PDZD2: variants seen among roughly 807,000 people sequenced by gnomAD.
PDZD2 encodes the protein PDZ domain containing 2.
PDZD2 carries 90 observed loss-of-function variants against 220.7 expected under a neutral mutation model. The ratio of observed to expected loss-of-function variants is 0.41; its 90% CI spans 0.34 to 0.49. The LOEUF (loss-of-function observed/expected upper bound fraction) is 0.49, where lower values mean the gene tolerates loss of function less well. Ranked by LOEUF, PDZD2 falls within the 20% of genes least tolerant of loss-of-function variation. The probability of loss-of-function intolerance (pLI) is 0.28; values close to 1 mark genes in which losing one functional copy is unlikely to be tolerated. For synonymous variants in PDZD2, 1,375 were observed against 1,450.5 expected (o/e 0.95, Z 1.18); for missense variants, 3,174 against 3,608.5 (o/e 0.88, Z 3.08).
chr5:31,881,805 C>T (rs1339780568), intron 2 of PDZD2, among the ~76,000 whole-genome samples: 2 of 152,030 alleles, frequency 1.3e-5, no homozygotes, highest in Non-Finnish European at 2.9e-5. Flanking sequence ...ATCTCCGCCT[C>T]CTGGGTTTAA....
At chr5:32,019,531 G>A (rs991951091) in intron 6 of PDZD2, among the ~76,000 whole-genome samples, 3 of 152,214 alleles carry the variant, frequency 2.0e-5, no homozygotes, top group African/African-American at 7.2e-5. Context: ...GAAGCCAGAT[G>A]ATCCCTTGGG....
chr5:31,880,791 C>CTTTT (rs1037018187), intron 2 of PDZD2, among the ~76,000 whole-genome samples: 12 of 76,488 alleles, frequency 1.6e-4, no homozygotes, highest in South Asian at 5.0e-4. Flanking sequence ...TTTTTTTTTT[C>CTTTT]TTTTTTTTTT....
chr5:32,097,851 A>G (rs573838557), intron 22 of PDZD2, among the ~76,000 whole-genome samples: 9 of 152,248 alleles, frequency 5.9e-5, no homozygotes, highest in Non-Finnish European at 1.3e-4. Flanking sequence ...AGACACTAAA[A>G]AGGAGTTAAA....
At chr5:31,897,832 G>GT (rs1471193804) in intron 2 of PDZD2, among the ~76,000 whole-genome samples, 1 of 151,998 alleles carries the variant, frequency 6.6e-6, no homozygotes, top group African/African-American at 2.4e-5. Context: ...TACCTCCCAG[G>GT]TTCAAGCAAT....
rs73749656 is a variant in PDZD2, at chr5:31,748,386, C to G, written c.-360-50503C>G. Among the ~76,000 whole-genome samples, 931 of 152,346 alleles carry G rather than the reference C, an allele frequency of 6.1e-3. 10 individuals carry two copies. Among genetic ancestry groups the G allele is most frequent in the African/African-American group, 0.021 (879 of 41,582 alleles). ...GTCATTTCCCCAGCCACTCCCCATTCTTCATCTGTAAAGTGGCTGGGGGAA... is the reference window on the plus strand; with the variant it reads ...GTCATTTCCCCAGCCACTCCCCATTGTTCATCTGTAAAGTGGCTGGGGGAA... On this transcript the variant is annotated intron_variant, in intron 1 of 24. Coordinates refer to ENST00000438447, the MANE Select transcript of PDZD2 (RefSeq NM_178140.4).
At chr5:32,011,235 C>A (rs912686579) in intron 6 of PDZD2, among the ~76,000 whole-genome samples, 1 of 151,606 alleles carries the variant, frequency 6.6e-6, no homozygotes, top group African/African-American at 2.4e-5. Context: ...ATGCCTGTAA[C>A]CCCAGCACCT....
Position 31,860,453 on chromosome 5 carries a change from A to G in PDZD2, c.476+60729A>G, listed in dbSNP as rs529009075. Among the ~76,000 whole-genome samples, 12 of 152,172 alleles carry G rather than the reference A, an allele frequency of 7.9e-5. No homozygotes were observed. In the South Asian group the frequency reaches 2.5e-3, roughly 32 times the overall value. On this transcript the variant is annotated intron_variant, in intron 2 of 24. Coordinates refer to ENST00000438447, the MANE Select transcript of PDZD2 (RefSeq NM_178140.4). ...CAGCTTCCAAAATTGTGTTGCAATC[A>G]TTGTTTCTCCTGTTCTCTGTATCTT...
intron 2 of PDZD2, among the ~76,000 whole-genome samples, chr5:31,974,182 T>C (rs1749546332): frequency 6.6e-6 from 1 of 152,058 alleles, no homozygotes; most frequent in South Asian, 2.1e-4. Flanking sequence ...GGTTTCACCA[T>C]GTTGACCGGG....
intron 14 of PDZD2, among the ~76,000 whole-genome samples, chr5:32,063,027 A>ATATTATTATTATTATTATTATTATTAT (rs147802513): frequency 4.9e-5 from 7 of 142,334 alleles, no homozygotes; most frequent in South Asian, 2.3e-4. Flanking sequence ...TGAGAATGAA[A>ATATTATTATTATTATTATTATTATTAT]TATTATTATT....
At chr5:31,894,209 G>T (rs892459497) in intron 2 of PDZD2, among the ~76,000 whole-genome samples, 2 of 151,874 alleles carry the variant, frequency 1.3e-5, no homozygotes, top group East Asian at 3.9e-4. Flanking sequence ...CACCGTGCTC[G>T]GCCAGCACAT....
At chr5:32,052,852 C>T (rs1298363517) in intron 9 of PDZD2, 122 bp downstream of exon 9, 2 of 1,049,974 alleles carry the variant, frequency 1.9e-6, no homozygotes, top group Admixed American at 1.9e-5. Flanking sequence ...GCTCTGTTGC[C>T]CAGGCCGGAG....
chr5:31,774,468 C>A (rs1752519127), intron 1 of PDZD2, among the ~76,000 whole-genome samples: 1 of 152,108 alleles, frequency 6.6e-6, no homozygotes, highest in Non-Finnish European at 1.5e-5. Flanking sequence ...AATCACAGCA[C>A]TTTGGGAGAC....
intron 2 of PDZD2, among the ~76,000 whole-genome samples, chr5:31,810,192 A>G (rs1392460261): frequency 6.6e-6 from 1 of 151,402 alleles, no homozygotes; most frequent in Non-Finnish European, 1.5e-5. Context: ...TAAATACGTT[A>G]TGAACATTTT....
chr5:31,903,531 C>T (rs547232141), intron 2 of PDZD2, among the ~76,000 whole-genome samples: 2 of 150,162 alleles, frequency 1.3e-5, no homozygotes, highest in Non-Finnish European at 3.0e-5. Context: ...GCCTGTAGCC[C>T]CAGCTACCCA....
At chr5:31,900,881 G>A (rs960992983) in intron 2 of PDZD2, among the ~76,000 whole-genome samples, 2 of 152,114 alleles carry the variant, frequency 1.3e-5, no homozygotes, top group Non-Finnish European at 2.9e-5. Flanking sequence ...AAACCCCATC[G>A]AAAATGCTTA....
intron 3 of PDZD2, among the ~76,000 whole-genome samples, chr5:31,988,557 T>C (rs1750910584): frequency 6.6e-6 from 1 of 151,920 alleles, no homozygotes; most frequent in African/African-American, 2.4e-5. Flanking sequence ...GTATGAAGGC[T>C]TCATCCTGAA....
At chr5:31,751,115 G>A (rs1034832735) in intron 1 of PDZD2, among the ~76,000 whole-genome samples, 5 of 151,966 alleles carry the variant, frequency 3.3e-5, no homozygotes, top group East Asian at 1.9e-4. Context: ...GGTGGCACGC[G>A]CCTGTAGTCT....
intron 1 of PDZD2, among the ~76,000 whole-genome samples, chr5:31,749,478 C>T (rs560771296): frequency 6.7e-6 from 1 of 149,242 alleles, no homozygotes. Flanking sequence ...GGCTGGAGTG[C>T]AGTGGCATGA....
chr5:32,051,034 G>A (rs1265022637), intron 8 of PDZD2, among the ~76,000 whole-genome samples: 2 of 152,088 alleles, frequency 1.3e-5, no homozygotes, highest in Admixed American at 6.6e-5. Context: ...TGGCTACCAT[G>A]TTAGACAGCA....
Sources: allele counts gnomAD v4.1 joint callset (sites outside exome capture counted in the v4.1 genomes callset), GRCh38; gene constraint gnomAD v4.1.1; transcripts MANE v1.5; gene names NCBI Gene and HGNC (gene_info 2026-07-23, HGNC 2026-07-21).